RPA1: variants seen among roughly 807,000 people sequenced by gnomAD.
RPA1 encodes the protein replication protein A1.
In RPA1, 49 loss-of-function variants were observed where a neutral mutation model predicts 83.0. The observed-to-expected ratio is 0.59, with a 90% CI of 0.47 to 0.75. The LOEUF (loss-of-function observed/expected upper bound fraction) is 0.75, where lower values mean the gene tolerates loss of function less well. Among genes scored for constraint, RPA1 ranks in the 30% least tolerant of loss-of-function variants. RPA1 has a pLI of 0.00. For synonymous variants in RPA1, 279 were observed against 281.8 expected (o/e 0.99, Z 0.10); for missense variants, 693 against 776.1 (o/e 0.89, Z 1.27).
intron 8 of RPA1, 59 bp downstream of exon 8, chr17:1,877,373 C>G: frequency 6.7e-7 from 1 of 1,488,198 alleles, no homozygotes; most frequent in Non-Finnish European, 9.3e-7. Context: ...ACAGAAGGCT[C>G]AGCTCTGCGG....
At chr17:1,897,045 C>T (rs1367491893) in intron 16 of RPA1, 26 bp from the exon 17 acceptor site, 1 of 1,547,296 alleles carries the variant, frequency 6.5e-7, no homozygotes, top group South Asian at 1.2e-5. Context: ...TTTCACTGCT[C>T]ACAAACTACT....
rs778982217 is a variant in RPA1, at chr17:1,842,790, T to C, written c.34-13T>C. The C allele has an allele frequency of 6.2e-7, 1 of 1,613,124 alleles. No individual in the cohort carries two copies. The highest frequency in any genetic ancestry group is 8.5e-7 in the Non-Finnish European group (1 of 1,179,112). On this transcript the variant is annotated splice_polypyrimidine_tract_variant and intron_variant, in intron 1 of 16. Coordinates refer to ENST00000254719, the MANE Select transcript of RPA1 (RefSeq NM_002945.5). ...AGTGCGTATCTCACACAAACCTGTTTTTACTCCCTCAGGCCATCATGCAGA... is the reference window on the plus strand; with the variant it reads ...AGTGCGTATCTCACACAAACCTGTTCTTACTCCCTCAGGCCATCATGCAGA...
Position 1,877,883 on chromosome 17 carries a change from C to T in RPA1, c.690+569C>T, listed in dbSNP as rs116803491. Among the ~76,000 whole-genome samples the T allele has an allele frequency of 3.3e-3, 496 of 152,306 alleles. 6 individuals carry two copies. Among genetic ancestry groups the T allele is most frequent in the African/African-American group, 0.012 (479 of 41,554 alleles). On this transcript the variant is annotated intron_variant, in intron 8 of 16. Coordinates refer to ENST00000254719, the MANE Select transcript of RPA1 (RefSeq NM_002945.5). ...TGACGATGAGACAAAATTCCTATGC[C>T]ATGGAAGTACGACAGTCTTGATAGC... is the stretch of plus-strand genomic sequence containing the variant.
rs766540306 is a variant in RPA1 at position 1,879,048 on chromosome 17, T to G, written c.746T>G (p.Ile249Ser). Residue 249 changes from isoleucine (I) to serine (S), a missense_variant, in exon 9 of 17, where the codon ATT becomes AGT. Coordinates refer to ENST00000254719, the MANE Select transcript of RPA1 (RefSeq NM_002945.5). ...CAAGTGGACAAGTTCTTTCCTCTTA[T>G]TGAAGTGAACAAGGTATGGCCGTGC... ...NEQVDKFFPL[I>S]EVNKVYYFSK... is the part of the protein sequence containing the mutation. The G allele has an allele frequency of 6.2e-7, 1 of 1,614,134 alleles. No homozygotes were observed. The highest frequency in any genetic ancestry group is 1.6e-4 in the Middle Eastern group (1 of 6,062).
chr17:1,855,288 A>G (rs186847938), intron 5 of RPA1, among the ~76,000 whole-genome samples: 10 of 152,072 alleles, frequency 6.6e-5, no homozygotes, highest in Non-Finnish European at 1.3e-4. Flanking sequence ...TCAGCCTCAG[A>G]GTAGCTGGGA....
chr17:1,872,481 G>A lies in RPA1; in HGVS notation c.409G>A (p.Ala137Thr). 6.2e-7 allele frequency: 1 copy of A among 1,614,046 alleles called. No homozygotes were observed. The highest frequency in any genetic ancestry group is 8.5e-7 in the Non-Finnish European group (1 of 1,180,016). ...TCCTCCAGCGCCAGCAGCCAGCCCA[G>A]CAGCAAGCAGCAGGCCCCAGCCGCA... ...VAPPAPAASP[A>T]ASSRPQPQNG... Residue 137 changes from alanine to threonine, a missense_variant, in exon 6 of 17, where the codon GCA (alanine) becomes ACA (threonine). Ala to Thr is a moderately conservative substitution (Grantham distance 58). Coordinates refer to ENST00000254719, the MANE Select transcript of RPA1 (RefSeq NM_002945.5).
At chr17:1,874,032 T>TATATACAC (rs1171343408) in intron 6 of RPA1, among the ~76,000 whole-genome samples, 11 of 79,254 alleles carry the variant, frequency 1.4e-4, no homozygotes, top group African/African-American at 5.7e-4. Context: ...TATATATATA[T>TATATACAC]ACACACACAC....
At chr17:1,876,440 C>T (rs1021297150) in intron 7 of RPA1, among the ~76,000 whole-genome samples, 1 of 151,964 alleles carries the variant, frequency 6.6e-6, no homozygotes, top group Non-Finnish European at 1.5e-5. Flanking sequence ...CTGTAATCCC[C>T]GCTACTCAGG....
In RPA1 at chr17:1,888,830, C is replaced by T. The variant is rs369839528; in HGVS notation, c.1530C>T (p.Phe510=). 6.2e-7 allele frequency: 1 copy of T among 1,613,782 alleles called. No individual in the cohort carries two copies. Among genetic ancestry groups the T allele is most frequent in the African/African-American group, 1.3e-5 (1 of 74,924 alleles). ...CEKCDTEFPN[F]KYRMILSVNI... ...AGTGCGACACCGAATTTCCCAATTT[C>T]AAGTACCGCATGATCCTGTCAGTAA... The change falls in exon 14 of 17, where the codon TTC becomes TTT. Residue 510 remains phenylalanine, a synonymous_variant. Coordinates refer to ENST00000254719, the MANE Select transcript of RPA1 (RefSeq NM_002945.5).
Position 1,897,895 on chromosome 17 carries a change from C to T in RPA1, c.*720C>T, listed in dbSNP as rs1131636. 0.52 allele frequency: 79,312 copies of T among 152,500 alleles called. 21,434 individuals carry two copies. Among genetic ancestry groups the T allele is most frequent in the Non-Finnish European group, 0.6 (40,489 of 67,992 alleles). The allele number at this position is 152,500 out of a possible 1,614,324, so 9.4% of individuals were successfully genotyped here. ...GCGGCTACAAAGCGTTTCTTTACTT[C>T]TCACTTCAATTAATGCTGCGCTTCG... On this transcript the variant is annotated 3_prime_UTR_variant, in exon 17 of 17. Transcript: ENST00000254719.
At chr17:1,864,102 A>G (rs1217000497) in intron 5 of RPA1, among the ~76,000 whole-genome samples, 3 of 152,204 alleles carry the variant, frequency 2.0e-5, no homozygotes, top group African/African-American at 7.2e-5. Context: ...TCCTTCCCAA[A>G]TGATTTCTCA....
chr17:1,896,458 C>T (rs538746358), intron 16 of RPA1, among the ~76,000 whole-genome samples: 2 of 151,670 alleles, frequency 1.3e-5, no homozygotes, highest in East Asian at 3.9e-4. Flanking sequence ...GCCCGTTCTT[C>T]TGCGACTACT....
intron 1 of RPA1, among the ~76,000 whole-genome samples, chr17:1,833,473 T>C (rs1472436834): frequency 6.6e-6 from 1 of 152,222 alleles, no homozygotes; most frequent in African/African-American, 2.4e-5. Context: ...AAATTAGGAA[T>C]GTGTGAATGC....
At chr17:1,892,080 C>T (rs1914224032) in intron 15 of RPA1, 140 bp downstream of exon 15, 1 of 468,654 alleles carries the variant, frequency 2.1e-6, no homozygotes, top group Non-Finnish European at 3.7e-6. Context: ...GATCTCAGCT[C>T]ACCGCAGTCT....
intron 4 of RPA1, among the ~76,000 whole-genome samples, chr17:1,852,672 A>C (rs1317926593): frequency 6.6e-6 from 1 of 152,244 alleles, no homozygotes; most frequent in Non-Finnish European, 1.5e-5. Flanking sequence ...TAGAGTTAAA[A>C]AGCAAAAGAA....
chr17:1,872,667 A>G (rs1312804307), intron 6 of RPA1, 141 bp downstream of exon 6: 16 of 1,172,236 alleles, frequency 1.4e-5, no homozygotes, highest in Non-Finnish European at 1.6e-5. Flanking sequence ...ATTCTGATTC[A>G]TATTTTAGAG....
In RPA1 at chr17:1,879,688, T is replaced by G; in HGVS notation, c.1081T>G (p.Trp361Gly). 10 of 1,614,122 alleles carry G rather than the reference T, an allele frequency of 6.2e-6. No homozygotes were observed. Among genetic ancestry groups the G allele is most frequent in the Non-Finnish European group, 8.5e-6 (10 of 1,180,010 alleles). ...TSGKVVTATL[W>G]GEDADKFDGS... ...CGGGAAGGTGGTGACTGCTACACTG[T>G]GGGGGGAAGATGTAAGTGCTGGGAT... is the stretch of plus-strand genomic sequence containing the variant. Residue 361 changes from tryptophan to glycine, a missense_variant, in exon 11 of 17, where the codon TGG becomes GGG. By Grantham distance (184) the Trp-to-Gly change is radical. Coordinates refer to ENST00000254719, the MANE Select transcript of RPA1 (RefSeq NM_002945.5).
chr17:1,838,278 A>G (rs555039674), intron 1 of RPA1, among the ~76,000 whole-genome samples: 403 of 147,812 alleles, frequency 2.7e-3, no homozygotes, highest in Non-Finnish European at 4.7e-3. Context: ...GCAACAGAGC[A>G]AAACTCCGTC....
intron 5 of RPA1, among the ~76,000 whole-genome samples, chr17:1,855,665 A>T (rs1912666171): frequency 6.6e-6 from 1 of 152,134 alleles, no homozygotes. Flanking sequence ...TTCTATTGTT[A>T]CATCTCTGAT....
Sources: allele counts gnomAD v4.1 joint callset (sites outside exome capture counted in the v4.1 genomes callset), GRCh38; gene constraint gnomAD v4.1.1; transcripts MANE v1.5; gene names NCBI Gene and HGNC (gene_info 2026-07-23, HGNC 2026-07-21).